The following C1orf94 variants were observed in gnomAD, a reference collection of about 807,000 sequenced individuals.
C1orf94 encodes the protein uncharacterized protein C1orf94.
A neutral mutation model predicts 53.6 loss-of-function variants in C1orf94; 45 were observed. The observed-to-expected ratio is 0.84, with a 90% confidence interval of 0.66 to 1.08. The LOEUF is 1.08. Among genes scored for constraint, C1orf94 ranks in the 50% least tolerant of loss-of-function variants. The pLI is 0.00. For missense variants in C1orf94, 762 were observed against 738.9 expected, an observed-to-expected ratio of 1.03 and a Z score of -0.36; for synonymous variants, 304 against 296.1, an observed-to-expected ratio of 1.03 and a Z score of -0.27.
intron 1 of C1orf94, among the ~76,000 whole-genome samples, chr1:34,194,662 C>CAA (rs1262315836): frequency 3.3e-5 from 5 of 152,142 alleles, no homozygotes; most frequent in African/African-American, 1.2e-4. Flanking sequence ...CTTCTTTTCC[C>CAA]TCCTCCTGCT....
At chr1:34,193,565 G>A (rs1400664475) in intron 1 of C1orf94, among the ~76,000 whole-genome samples, 1 of 152,192 alleles carries the variant, frequency 6.6e-6, no homozygotes. Flanking sequence ...GCCCAGGCTG[G>A]GGGTGGGGAG....
At chr1:34,208,570 A>G (rs1352863095) in intron 5 of C1orf94, among the ~76,000 whole-genome samples, 2 of 152,222 alleles carry the variant, frequency 1.3e-5, no homozygotes, top group African/African-American at 2.4e-5. Context: ...AACTTGCCCA[A>G]AGTAATAAAG....
chr1:34,197,256 A>T lies in C1orf94; in HGVS notation c.352A>T (p.Ile118Phe), dbSNP rs755001617. 1.9e-6 allele frequency: 3 copies of T among 1,544,424 alleles called. No homozygotes were observed. Among genetic ancestry groups the T allele is most frequent in the Non-Finnish European group, 2.6e-6 (3 of 1,142,152 alleles). The change falls in exon 2 of 7, where the codon ATC (isoleucine) becomes TTC (phenylalanine). Residue 118 changes from isoleucine (I) to phenylalanine (F), a missense_variant. Ile to Phe is a conservative substitution (Grantham distance 21, BLOSUM62 0). Transcript: ENST00000488417. This position sits in a 1 kb window ranked among gnomAD's most constrained non-coding sequence, Gnocchi z 4.1. ...ALELSSGKDEISLLVEQEFLS... is the reference protein window; with the variant it reads ...ALELSSGKDEFSLLVEQEFLS... ...GGAGCTCAGCAGTGGCAAAGATGAGATCTCCTTGTTGGTGGAACAGGAGTT... is the reference window on the plus strand; with the variant it reads ...GGAGCTCAGCAGTGGCAAAGATGAGTTCTCCTTGTTGGTGGAACAGGAGTT...
chr1:34,183,466 C>G (rs1258359444), intron 1 of C1orf94, among the ~76,000 whole-genome samples: 3 of 152,214 alleles, frequency 2.0e-5, no homozygotes, highest in Non-Finnish European at 4.4e-5. Context: ...TGATGGGTCC[C>G]AGGGACACAG....
rs1376588549 is a variant in C1orf94, at chr1:34,200,769, C to T, written c.1010-3C>T. On this transcript the variant is annotated splice_region_variant and splice_polypyrimidine_tract_variant and intron_variant, in intron 2 of 6. Transcript: ENST00000488417. ...CATTGACTCAGTTTCTTTCCTGCTA[C>T]AGAATGGAGCCCTGGCACCAAGGAG... 1 of 1,613,982 alleles carries T rather than the reference C, an allele frequency of 6.2e-7. No homozygotes were observed. Among genetic ancestry groups the T allele is most frequent in the Admixed American group, 1.7e-5 (1 of 60,006 alleles).
At chr1:34,190,929 C>T (rs1470299189) in intron 1 of C1orf94, among the ~76,000 whole-genome samples, 1 of 152,170 alleles carries the variant, frequency 6.6e-6, no homozygotes, top group Non-Finnish European at 1.5e-5. Flanking sequence ...TTGGGTTCAG[C>T]TGGGAGGTTC....
In C1orf94 at chr1:34,208,275, AGGCCTTT is replaced by A. The variant is rs776039610; in HGVS notation, c.1524+44_1524+50del. 93 of 1,594,946 alleles carry A rather than the reference AGGCCTTT, an allele frequency of 5.8e-5. No homozygotes were observed. In the East Asian group the frequency reaches 1.9e-3, roughly 32 times the overall value. ...CTCCTCCTCTGTCCTGGGTCCATGA[AGGCCTTT>A]GGGTCAGAGGGTGCATCTGCTCCCT... is the stretch of plus-strand genomic sequence containing the variant. On this transcript the variant is annotated intron_variant, in intron 5 of 6. Transcript: ENST00000488417.
upstream of C1orf94, among the ~76,000 whole-genome samples, chr1:34,172,412 C>T (rs1642158343): frequency 6.6e-6 from 1 of 152,186 alleles, no homozygotes; most frequent in South Asian, 2.1e-4. Context: ...ATAAGCCAGG[C>T]ACTGTGTTGA....
At chr1:34,183,771 G>A (rs1173543600) in intron 1 of C1orf94, among the ~76,000 whole-genome samples, 4 of 151,670 alleles carry the variant, frequency 2.6e-5, no homozygotes, top group Non-Finnish European at 5.9e-5. Context: ...CAGAAGAATT[G>A]ATTGAACCCA....
At chr1:34,188,395 A>G (rs191593927) in intron 1 of C1orf94, among the ~76,000 whole-genome samples, 89 of 152,350 alleles carry the variant, frequency 5.8e-4, no homozygotes, top group Non-Finnish European at 9.3e-4. Flanking sequence ...GACCTTTGGT[A>G]AGAAATTAGA....
At chr1:34,187,482 G>T (rs527771251) in intron 1 of C1orf94, among the ~76,000 whole-genome samples, 1 of 151,910 alleles carries the variant, frequency 6.6e-6, no homozygotes, top group Non-Finnish European at 1.5e-5. Context: ...GAGCTGTGTC[G>T]CAGGTTGTGG....
intron 1 of C1orf94, among the ~76,000 whole-genome samples, chr1:34,192,176 G>T (rs76321159): frequency 0.027 from 4,168 of 152,270 alleles, 90 homozygotes; most frequent in Non-Finnish European, 0.038. Flanking sequence ...GGGGGAAAAA[G>T]GTAGATTACA....
intron 1 of C1orf94, among the ~76,000 whole-genome samples, chr1:34,190,407 A>G (rs1771375): frequency 0.14 from 20,632 of 151,862 alleles, 1,959 homozygotes; most frequent in African/African-American, 0.27. Context: ...TCTCCCCTCC[A>G]CCTCCATTCA....
intron 1 of C1orf94, among the ~76,000 whole-genome samples, chr1:34,183,192 T>C (rs1642336912): frequency 6.6e-6 from 1 of 152,268 alleles, no homozygotes; most frequent in African/African-American, 2.4e-5. Flanking sequence ...TCAATAGTTC[T>C]GTCTAGTGCT....
chr1:34,179,698 G>A (rs1185053778), intron 1 of C1orf94, among the ~76,000 whole-genome samples: 1 of 152,186 alleles, frequency 6.6e-6, no homozygotes, highest in African/African-American at 2.4e-5. Context: ...TACAAATCAG[G>A]CTGCTCTTAA....
chr1:34,196,712 T>A (rs1642591395), intron 1 of C1orf94, among the ~76,000 whole-genome samples: 1 of 152,020 alleles, frequency 6.6e-6, no homozygotes, highest in South Asian at 2.1e-4. Flanking sequence ...TGGATCAGGG[T>A]GTAAGCTTAG....
At chr1:34,176,656 G>A (rs1207997708), upstream of C1orf94, among the ~76,000 whole-genome samples, 1 of 152,154 alleles carries the variant, frequency 6.6e-6, no homozygotes, top group African/African-American at 2.4e-5. Flanking sequence ...CTAATTTCAC[G>A]AGCTTTAATA....
intron 4 of C1orf94, among the ~76,000 whole-genome samples, chr1:34,204,265 G>T (rs1237014765): frequency 3.3e-5 from 5 of 152,174 alleles, no homozygotes; most frequent in Non-Finnish European, 4.4e-5. Context: ...GGTCCACCAG[G>T]CTTAGTTTCT....
At chr1:34,184,406 C>T (rs752723054) in intron 1 of C1orf94, among the ~76,000 whole-genome samples, 3 of 152,206 alleles carry the variant, frequency 2.0e-5, no homozygotes, top group Non-Finnish European at 4.4e-5. Flanking sequence ...TCCAGGCCCT[C>T]TGTCAGCACC....
Sources: gnomAD v4.1 joint callset for allele counts (sites outside exome capture counted in the v4.1 genomes callset) on GRCh38, gnomAD v4.1.1 for gene constraint, Gnocchi (gnomAD v3.1) non-coding constraint, MANE v1.5 for transcripts, NCBI Gene and HGNC (gene_info 2026-07-23, HGNC 2026-07-21) for gene names.